The following TNFSF4 variants were observed in gnomAD, a reference collection of about 807,000 sequenced individuals.
TNFSF4 encodes the protein tumor necrosis factor ligand superfamily member 4.
TNFSF4 carries 4 observed loss-of-function variants against 7.3 expected under a neutral mutation model. The observed-to-expected ratio is 0.55, with a 90% CI of 0.27 to 1.25. TNFSF4 has a LOEUF of 1.25. TNFSF4 is among the 50% of genes most tolerant of loss of function. The probability of loss-of-function intolerance (pLI) is 0.12; values close to 1 mark genes in which losing one functional copy is unlikely to be tolerated. For synonymous variants in TNFSF4, 76 were observed against 83.7 expected, an observed-to-expected ratio of 0.91 and a Z score of 0.50; for missense variants, 181 against 208.8, an observed-to-expected ratio of 0.87 and a Z score of 0.82.
chr1:173,250,905 A>G, the TNFSF4 span, among the ~76,000 whole-genome samples: 2 of 152,328 alleles, frequency 1.3e-5, no homozygotes, highest in Admixed American at 1.3e-4. Flanking sequence ...TATAACTAAT[A>G]TAATAGGAAG....
chr1:173,329,382 G>A, the TNFSF4 span, among the ~76,000 whole-genome samples: 7 of 152,100 alleles, frequency 4.6e-5, no homozygotes, highest in African/African-American at 1.7e-4. Flanking sequence ...ATGATGACAA[G>A]GAAAAATAGC....
At chr1:173,380,949 T>A in the TNFSF4 span, among the ~76,000 whole-genome samples, 1 of 152,150 alleles carries the variant, frequency 6.6e-6, no homozygotes, top group African/African-American at 2.4e-5. Flanking sequence ...ACCTGCACCT[T>A]AGTTTTTCTA....
At chr1:173,217,347 C>T in the TNFSF4 span, among the ~76,000 whole-genome samples, 1 of 152,102 alleles carries the variant, frequency 6.6e-6, no homozygotes, top group Non-Finnish European at 1.5e-5. Context: ...CTGATCCTAC[C>T]TTGATTTTAT....
At chr1:173,403,156 A>G in the TNFSF4 span, among the ~76,000 whole-genome samples, 1 of 152,126 alleles carries the variant, frequency 6.6e-6, no homozygotes, top group Non-Finnish European at 1.5e-5. Context: ...CTGGCCCAAG[A>G]ATTTGCATTG....
chr1:173,344,483 G>A, the TNFSF4 span, among the ~76,000 whole-genome samples: 2 of 152,140 alleles, frequency 1.3e-5, no homozygotes, highest in African/African-American at 4.8e-5. Flanking sequence ...GATGATATAT[G>A]GGTAAACAAC....
the TNFSF4 span, among the ~76,000 whole-genome samples, chr1:173,308,058 G>A: frequency 6.6e-6 from 1 of 151,588 alleles, no homozygotes; most frequent in South Asian, 2.1e-4. Context: ...TTTTGAATTG[G>A]GTTGTCTGTC....
chr1:173,379,414 T>C, the TNFSF4 span, among the ~76,000 whole-genome samples: 2 of 152,172 alleles, frequency 1.3e-5, no homozygotes, highest in African/African-American at 4.8e-5. Context: ...TTCAATGATG[T>C]CCACCATAAC....
the TNFSF4 span, among the ~76,000 whole-genome samples, chr1:173,305,023 T>C: frequency 2.6e-5 from 4 of 151,912 alleles, no homozygotes; most frequent in Admixed American, 2.6e-4. Flanking sequence ...TGAGGAACCA[T>C]AGGACATAAT....
At chr1:173,416,608 T>TTTTATTTATTTATTTATTTATTTATTTA in the TNFSF4 span, among the ~76,000 whole-genome samples, 6 of 121,984 alleles carry the variant, frequency 4.9e-5, no homozygotes, top group African/African-American at 9.2e-5. Context: ...ATTTTTTTAT[T>TTTTATTTATTTATTTATTTATTTATTTA]TTTATTTATT....
the TNFSF4 span, among the ~76,000 whole-genome samples, chr1:173,353,059 T>C: frequency 2.6e-5 from 4 of 152,216 alleles, no homozygotes; most frequent in Non-Finnish European, 5.9e-5. Flanking sequence ...ATCGCTGTTA[T>C]CCTGTTCTTT....
At chr1:173,287,282 C>A in the TNFSF4 span, among the ~76,000 whole-genome samples, 1 of 152,160 alleles carries the variant, frequency 6.6e-6, no homozygotes, top group East Asian at 1.9e-4. Context: ...CTGCAGTGAG[C>A]AGTAATTGTG....
chr1:173,264,328 T>C, the TNFSF4 span, among the ~76,000 whole-genome samples: 1 of 146,100 alleles, frequency 6.8e-6, no homozygotes, highest in South Asian at 2.2e-4. Context: ...TTTTTTTTTT[T>C]TTTTTTTTTT....
chr1:173,226,450 T>G, the TNFSF4 span, among the ~76,000 whole-genome samples: 1 of 152,206 alleles, frequency 6.6e-6, no homozygotes, highest in African/African-American at 2.4e-5. Flanking sequence ...ACTATGCAAA[T>G]GAGCATCTCT....
chr1:173,296,628 A>G, the TNFSF4 span, among the ~76,000 whole-genome samples: 2 of 151,944 alleles, frequency 1.3e-5, no homozygotes, highest in Non-Finnish European at 2.9e-5. Flanking sequence ...AGAAGGAAAG[A>G]CTACAGGCTT....
the TNFSF4 span, among the ~76,000 whole-genome samples, chr1:173,267,878 G>C: frequency 7.1e-6 from 1 of 140,066 alleles, no homozygotes; most frequent in Non-Finnish European, 1.6e-5. Context: ...GATGAGAGGA[G>C]AGGAGAGGAG....
the TNFSF4 span, among the ~76,000 whole-genome samples, chr1:173,219,689 CA>C: frequency 4.6e-5 from 7 of 152,086 alleles, no homozygotes; most frequent in African/African-American, 1.7e-4. Context: ...CACACACACA[CA>C]CACACACCAT....
At chr1:173,411,883 G>T in the TNFSF4 span, among the ~76,000 whole-genome samples, 1 of 152,122 alleles carries the variant, frequency 6.6e-6, no homozygotes, top group Non-Finnish European at 1.5e-5. Flanking sequence ...ACTTTGGGAG[G>T]ACGAGGCGGG....
chr1:173,286,215 C>A, the TNFSF4 span, among the ~76,000 whole-genome samples: 1 of 152,154 alleles, frequency 6.6e-6, no homozygotes, highest in African/African-American at 2.4e-5. Flanking sequence ...ACTTAAGAAC[C>A]CAGCTAAGAT....
At chr1:173,352,021 T>C in the TNFSF4 span, 80 of 386,710 alleles carry the variant, frequency 2.1e-4, 2 homozygotes, top group Middle Eastern at 2.8e-3. Context: ...AGTAATCTTA[T>C]ATACAAGTTT....
Sources: gnomAD v4.1 joint callset for allele counts (sites outside exome capture counted in the v4.1 genomes callset) on GRCh38, gnomAD v4.1.1 for gene constraint, MANE v1.5 for transcripts, NCBI Gene and HGNC (gene_info 2026-07-23, HGNC 2026-07-21) for gene names.